The following GMDS variants were observed in gnomAD, a reference collection of about 807,000 sequenced individuals.
GMDS encodes GDP-mannose 4,6 dehydratase.
GMDS carries 20 observed loss-of-function variants against 49.9 expected under a neutral mutation model. The observed-to-expected ratio is 0.40, with a 90% CI of 0.28 to 0.58. GMDS has a LOEUF of 0.58. Among genes scored for constraint, GMDS ranks in the 20% least tolerant of loss-of-function variants. The pLI, the probability that GMDS is intolerant of heterozygous loss-of-function variation, is 0.42. For missense variants in GMDS, 362 were observed against 481.4 expected (o/e 0.75, Z 2.32); for synonymous variants, 177 against 178.6 (o/e 0.99, Z 0.07).
At chr6:2,203,530 C>CT (rs1779648082) in intron 1 of GMDS, among the ~76,000 whole-genome samples, 1 of 151,956 alleles carries the variant, frequency 6.6e-6, no homozygotes, top group African/African-American at 2.4e-5. Context: ...AGTAGGCCCA[C>CT]TGTGGAAGCA....
At chr6:1,829,813 G>A (rs1276178451) in intron 7 of GMDS, among the ~76,000 whole-genome samples, 2 of 152,118 alleles carry the variant, frequency 1.3e-5, no homozygotes, top group Non-Finnish European at 2.9e-5. Context: ...AATATTCCAA[G>A]CCACTTTATA....
intron 7 of GMDS, 89 bp from the exon 8 acceptor site, chr6:1,742,675 G>A (rs1239976570): frequency 2.9e-6 from 2 of 693,032 alleles, no homozygotes; most frequent in African/African-American, 1.8e-5. Context: ...TATGGACATC[G>A]ACAGCTGGAA....
At chr6:1,700,168 T>C (rs1208689608) in intron 9 of GMDS, among the ~76,000 whole-genome samples, 1 of 152,216 alleles carries the variant, frequency 6.6e-6, no homozygotes, top group African/African-American at 2.4e-5. Context: ...GAAAGGAACA[T>C]TTCTTTAAGG....
intron 7 of GMDS, among the ~76,000 whole-genome samples, chr6:1,744,324 G>A (rs778522639): frequency 6.6e-6 from 1 of 152,232 alleles, no homozygotes; most frequent in East Asian, 1.9e-4. Context: ...ATTCTATAAA[G>A]TAACTGACGG....
At chr6:1,688,976 T>C (rs1212430998) in intron 9 of GMDS, among the ~76,000 whole-genome samples, 3 of 152,208 alleles carry the variant, frequency 2.0e-5, no homozygotes, top group African/African-American at 7.2e-5. Flanking sequence ...GGATGATCAT[T>C]ACTGTAGAGG....
chr6:2,007,153 A>G (rs1411722801), intron 4 of GMDS, among the ~76,000 whole-genome samples: 1 of 152,212 alleles, frequency 6.6e-6, no homozygotes, highest in Non-Finnish European at 1.5e-5. Flanking sequence ...GGTAGCTTCA[A>G]GGCATAAAAT....
chr6:1,735,963 T>G (rs1225394956), intron 8 of GMDS, among the ~76,000 whole-genome samples: 1 of 152,194 alleles, frequency 6.6e-6, no homozygotes, highest in Non-Finnish European at 1.5e-5. Context: ...AATAACACAT[T>G]TATAGAGCAC....
chr6:2,094,579 G>A (rs1773491291), intron 4 of GMDS, among the ~76,000 whole-genome samples: 1 of 152,220 alleles, frequency 6.6e-6, no homozygotes, highest in Non-Finnish European at 1.5e-5. Context: ...GGAAAAAACG[G>A]AGCAGATTTA....
intron 7 of GMDS, among the ~76,000 whole-genome samples, chr6:1,848,805 G>A (rs1390101914): frequency 6.6e-6 from 1 of 152,188 alleles, no homozygotes; most frequent in Admixed American, 6.5e-5. Flanking sequence ...GCATCACCTA[G>A]GAGGGTGTGT....
chr6:1,624,108 T>C lies in GMDS; in HGVS notation c.*61A>G, dbSNP rs973002141. The C allele has an allele frequency of 2.0e-5, 29 of 1,455,526 alleles. No homozygotes were observed. Among genetic ancestry groups the C allele is most frequent in the Admixed American group, 5.0e-5 (3 of 59,466 alleles). The allele number at this position is 1,455,526 out of a possible 1,614,324, so 90.2% of individuals were successfully genotyped here. A position where few individuals can be genotyped will look rare whatever the true frequency, so the allele number is the denominator to read the frequency against. On this transcript the variant is annotated 3_prime_UTR_variant, in exon 11 of 11. Coordinates refer to ENST00000380815, the MANE Select transcript of GMDS (RefSeq NM_001500.4). ...CGCCGCTCCCCATCCCCGCAGCGCG[T>C]CTGCACCGGAGACTCTGCGGGGATT... is the stretch of plus-strand genomic sequence containing the variant.
chr6:2,102,054 G>C (rs1773954309), intron 4 of GMDS, among the ~76,000 whole-genome samples: 4 of 152,022 alleles, frequency 2.6e-5, no homozygotes, highest in Admixed American at 2.6e-4. Flanking sequence ...TATTACTTAA[G>C]CTATTATTAT....
At chr6:1,707,973 A>G (rs1765798420) in intron 9 of GMDS, among the ~76,000 whole-genome samples, 1 of 152,230 alleles carries the variant, frequency 6.6e-6, no homozygotes. Context: ...GACTTCACAA[A>G]CTAGGCTACA....
intron 4 of GMDS, among the ~76,000 whole-genome samples, chr6:2,113,930 A>G (rs1440506842): frequency 1.3e-5 from 2 of 152,182 alleles, no homozygotes; most frequent in African/African-American, 4.8e-5. Context: ...TACCATAAAA[A>G]AAGATAAACT....
At chr6:2,061,210 T>G (rs1233901871) in intron 4 of GMDS, among the ~76,000 whole-genome samples, 1 of 152,042 alleles carries the variant, frequency 6.6e-6, no homozygotes, top group Non-Finnish European at 1.5e-5. Flanking sequence ...AACCAGACCC[T>G]GGAAACCCTT....
chr6:1,846,080 C>CTTTT (rs11298909), intron 7 of GMDS, among the ~76,000 whole-genome samples: 3 of 121,648 alleles, frequency 2.5e-5, no homozygotes, highest in Non-Finnish European at 3.5e-5. Context: ...CACCATGTTT[C>CTTTT]TTTTTTTTTT....
chr6:1,985,383 C>T (rs1305702138), intron 4 of GMDS, among the ~76,000 whole-genome samples: 12 of 130,810 alleles, frequency 9.2e-5, no homozygotes, highest in African/African-American at 2.7e-4. Flanking sequence ...GCTTGCAAAC[C>T]GATTTTTTTT....
chr6:1,773,086 A>C (rs1768646455), intron 7 of GMDS, among the ~76,000 whole-genome samples: 2 of 151,662 alleles, frequency 1.3e-5, no homozygotes, highest in African/African-American at 4.9e-5. Flanking sequence ...GTTTAGACTA[A>C]CTCACTGGAT....
At chr6:1,866,110 G>A (rs1758430238) in intron 7 of GMDS, among the ~76,000 whole-genome samples, 1 of 152,210 alleles carries the variant, frequency 6.6e-6, no homozygotes, top group South Asian at 2.1e-4. Flanking sequence ...ACAGGGAGGT[G>A]AAAGCTGTCA....
At position 1,766,542 on chromosome 6, in the gene GMDS, G is replaced by A. The variant is rs3800044; in HGVS notation, c.772-23956C>T. ...AACAAAGTCGCTTACTTTGAAAAGT[G>A]ATTTCTCTCTTGTGTATGGCTCGGG... On this transcript the variant is annotated intron_variant, in intron 7 of 10. Transcript: ENST00000380815. The surrounding 1 kb of genome is among the most constrained non-coding windows in gnomAD (Gnocchi z 4.5). Among the ~76,000 whole-genome samples the A allele has an allele frequency of 0.078, 11,796 of 152,136 alleles. 563 individuals carry two copies. Among genetic ancestry groups the A allele is most frequent in the East Asian group, 0.13 (696 of 5,166 alleles).
Sources: allele counts gnomAD v4.1 joint callset (sites outside exome capture counted in the v4.1 genomes callset), GRCh38; gene constraint gnomAD v4.1.1; non-coding constraint Gnocchi (gnomAD v3.1); transcripts MANE v1.5; gene names NCBI Gene and HGNC (gene_info 2026-07-23, HGNC 2026-07-21).